Variants in NTRK1 observed in about 807,000 individuals in gnomAD.
The protein encoded by NTRK1 is high affinity nerve growth factor receptor.
Under a neutral mutation model 86.8 loss-of-function variants are expected in NTRK1, and 62 were observed. That is an observed-to-expected ratio of 0.71 (90% CI 0.58 to 0.88). The LOEUF is 0.88. Among genes scored for constraint, NTRK1 ranks in the 40% least tolerant of loss-of-function variants. The pLI, the probability that NTRK1 is intolerant of heterozygous loss-of-function variation, is 0.00. For synonymous variants in NTRK1, 469 were observed against 456.6 expected (o/e 1.03, Z -0.35); for missense variants, 967 against 1,078.4 (o/e 0.90, Z 1.45).
chr1:156,832,930 A>G (rs1654501346), intron 1 of NTRK1, among the ~76,000 whole-genome samples: 5 of 152,174 alleles, frequency 3.3e-5, no homozygotes, highest in Admixed American at 3.3e-4. Flanking sequence ...CATCTTTGTG[A>G]CTTCTTCACC....
chr1:156,842,049 G>A (rs1286963833), intron 1 of NTRK1: 4 of 1,604,682 alleles, frequency 2.5e-6, no homozygotes, highest in Non-Finnish European at 2.6e-6. Flanking sequence ...GTCTCCTGAT[G>A]CCTAGCTTAA....
chr1:156,816,642 C>T, intron 1 of NTRK1: 1 of 1,593,738 alleles, frequency 6.3e-7, no homozygotes, highest in Non-Finnish European at 8.6e-7. Context: ...CTTTGTGCCC[C>T]CTCCCACCCA....
Position 156,833,691 on chromosome 1 carries a change from T to A in NTRK1, c.-63-8390T>A, listed in dbSNP as rs1420334701. Among the ~76,000 whole-genome samples, 19 of 152,222 alleles carry A rather than the reference T, an allele frequency of 1.2e-4. 1 individual carries two copies. The highest frequency in any genetic ancestry group is 1.2e-3 in the Admixed American group (19 of 15,286). On this transcript the variant is annotated intron_variant, in intron 1 of 16. Coordinates refer to the NTRK1 transcript ENST00000392302. Reference sequence around the variant, plus strand: ...TGTTTCTTGGCTCTAAACCCTCCCTTCTATACTCTGCTCTGTGAGGCTGGG... The same window carrying A: ...TGTTTCTTGGCTCTAAACCCTCCCTACTATACTCTGCTCTGTGAGGCTGGG...
rs116183913 is a variant in NTRK1 at position 156,849,883 on chromosome 1, A to T, written c.50+7690A>T. Among the ~76,000 whole-genome samples the T allele has an allele frequency of 8.5e-3, 1,285 of 151,238 alleles. 15 individuals are homozygous for T. Among genetic ancestry groups the T allele is most frequent in the African/African-American group, 0.028 (1,166 of 41,154 alleles). On this transcript the variant is annotated intron_variant, in intron 2 of 16. Coordinates refer to the NTRK1 transcript ENST00000392302. Reference sequence around the variant, plus strand: ...TGTGTCTGGAGACATGAGAAGCCACAGAGAGCCACTAGACTAGATGACTAG... The same window carrying T: ...TGTGTCTGGAGACATGAGAAGCCACTGAGAGCCACTAGACTAGATGACTAG...
rs184792637 is a variant in NTRK1, at chr1:156,819,151, C to A, written c.-64+3313C>A. Among the ~76,000 whole-genome samples, 22 of 152,260 alleles carry A rather than the reference C, an allele frequency of 1.4e-4. No homozygotes were observed. The East Asian group carries it at 4.2e-3, about 29-fold the overall frequency. ...CCTTGTAGCTGGGACTACAGGTGAG[C>A]ACCAACCATGCCTGGCTAATTTTTG... On this transcript the variant is annotated intron_variant, in intron 1 of 16. Coordinates refer to the NTRK1 transcript ENST00000392302.
rs1012879877 is a variant in NTRK1 at position 156,876,129 on chromosome 1, G to A, written c.1551G>A (p.Gly517=). The A allele has an allele frequency of 3.7e-6, 6 of 1,614,084 alleles. No individual in the cohort carries two copies. Among genetic ancestry groups the A allele is most frequent in the Non-Finnish European group, 5.1e-6 (6 of 1,180,046 alleles). Residue 517 remains glycine (G), a synonymous_variant, in exon 13 of 17, where the codon GGG becomes GGA. Transcript: ENST00000524377. ...ACATCGTGCTCAAGTGGGAGCTGGG[G>A]GAGGGCGCCTTTGGGAAGGTCTTCC... The part of the protein sequence containing the change: ...RRDIVLKWEL[G]EGAFGKVFLA...
chr1:156,845,883 G>T, intron 2 of NTRK1: 1 of 1,597,374 alleles, frequency 6.3e-7, no homozygotes. Flanking sequence ...CCCACCTGCC[G>T]GGGCCCTGCG....
intron 6 of NTRK1, among the ~76,000 whole-genome samples, chr1:156,871,388 A>G (rs1647539481): frequency 6.6e-6 from 1 of 152,176 alleles, no homozygotes; most frequent in Non-Finnish European, 1.5e-5. Flanking sequence ...CCCCGTCGCT[A>G]CAAAAATAAA....
intron 1 of NTRK1, among the ~76,000 whole-genome samples, chr1:156,833,238 C>T (rs1384574995): frequency 2.0e-5 from 3 of 152,230 alleles, no homozygotes. Flanking sequence ...ATAGTGTGAG[C>T]TTACCAGATT....
At chr1:156,841,987 G>T in intron 1 of NTRK1, 3 of 1,557,052 alleles carry the variant, frequency 1.9e-6, no homozygotes, top group Non-Finnish European at 2.6e-6. Flanking sequence ...TAAGATACAG[G>T]GTGGGGGTGA....
intron 2 of NTRK1, chr1:156,846,207 C>A (rs1655002436): frequency 7.4e-7 from 1 of 1,343,658 alleles, no homozygotes; most frequent in Non-Finnish European, 1.0e-6. Context: ...TGGGGTCCAA[C>A]AGCCTTGTTC....
At chr1:156,865,525 G>A (rs1015992180) in intron 3 of NTRK1, among the ~76,000 whole-genome samples, 4 of 152,168 alleles carry the variant, frequency 2.6e-5, no homozygotes, top group East Asian at 1.9e-4. Flanking sequence ...TGTGTGGCCC[G>A]GTTCCTAAGA....
upstream of NTRK1, among the ~76,000 whole-genome samples, chr1:156,858,316 C>G (rs959242866): frequency 1.3e-5 from 2 of 152,170 alleles, no homozygotes; most frequent in Admixed American, 1.3e-4. Context: ...TACTTGTCCA[C>G]GTTTTGAAGC....
chr1:156,864,632 T>C, intron 2 of NTRK1, 96 bp from the exon 3 acceptor site: 2 of 1,369,380 alleles, frequency 1.5e-6, no homozygotes, highest in Non-Finnish European at 2.1e-6. Flanking sequence ...GGGTAGGGGT[T>C]CAGCACAGGG....
intron 3 of NTRK1, 110 bp from the exon 4 acceptor site, chr1:156,866,800 C>T (rs570390861): frequency 2.0e-5 from 22 of 1,102,744 alleles, no homozygotes; most frequent in East Asian, 8.3e-5. Context: ...TAGGCCGGGG[C>T]GGGGGAGCCA....
At chr1:156,856,987 C>G (rs374671535), upstream of NTRK1, among the ~76,000 whole-genome samples, 1 of 152,154 alleles carries the variant, frequency 6.6e-6, no homozygotes, top group African/African-American at 2.4e-5. Flanking sequence ...CCCTTCCCAC[C>G]GAGCCCTCCG....
rs1570912515 is a variant in NTRK1, at chr1:156,881,595, C to T, written c.2344C>T (p.Gln782Ter). 6.2e-7 allele frequency: 1 copy of T among 1,611,392 alleles called. No individual in the cohort carries two copies. Among genetic ancestry groups the T allele is most frequent in the Non-Finnish European group, 8.5e-7 (1 of 1,179,158 alleles). ...HSIKDVHARL[Q>*]ALAQAPPVYL... ...CATCAAGGATGTGCACGCCCGGCTG[C>T]AAGCCCTGGCCCAGGCACCTCCTGT... is the stretch of plus-strand genomic sequence containing the variant. The change falls in exon 17 of 17, where the codon CAA (glutamine) becomes TAA (stop). Residue 782 changes from glutamine (Q) to a stop codon, truncating the protein, a stop_gained. Coordinates refer to ENST00000524377, the MANE Select transcript of NTRK1 (RefSeq NM_002529.4). LOFTEE classifies it high-confidence loss of function.
intron 1 of NTRK1, chr1:156,816,542 A>T: frequency 1.3e-6 from 1 of 758,784 alleles, no homozygotes; most frequent in Non-Finnish European, 2.1e-6. Flanking sequence ...TCACCCTGCC[A>T]ATCAGCTTTG....
rs1459046800 is a variant in NTRK1, at chr1:156,822,637, C to T, written c.-64+6799C>T. On this transcript the variant is annotated intron_variant, in intron 1 of 16. Coordinates refer to the NTRK1 transcript ENST00000392302. The stretch of plus-strand genomic sequence containing the variant: ...AAAAAAAAAAAAAAAAAAGCTATAG[C>T]CTTCTTACTTGTAGCTAGTCCAGAG... Among the ~76,000 whole-genome samples the T allele has an allele frequency of 7.3e-5, 11 of 150,532 alleles. 1 individual carries two copies. The highest frequency in any genetic ancestry group is 2.7e-4 in the African/African-American group (11 of 40,698).
Sources: allele counts gnomAD v4.1 joint callset (sites outside exome capture counted in the v4.1 genomes callset), GRCh38; gene constraint gnomAD v4.1.1; transcripts MANE v1.5; gene names NCBI Gene and HGNC (gene_info 2026-07-23, HGNC 2026-07-21).